Variants in HPD observed in about 807,000 individuals in gnomAD.
HPD encodes the protein 4-hydroxyphenylpyruvate dioxygenase, also known as 4-hydroxyphenylpyruvic acid oxidase.
HPD carries 35 observed loss-of-function variants against 56.9 expected under a neutral mutation model. The observed-to-expected ratio is 0.62, with a 90% CI of 0.47 to 0.82. The LOEUF is 0.82. HPD is among the 40% of genes least tolerant of loss of function. The pLI is 0.00. For synonymous variants in HPD, 186 were observed against 200.2 expected (o/e 0.93, Z 0.60); for missense variants, 442 against 506.8 (o/e 0.87, Z 1.23).
chr12:121,843,976 C>A, intron 11 of HPD, 144 bp from the exon 12 acceptor site: 1 of 884,960 alleles, frequency 1.1e-6, no homozygotes, highest in Non-Finnish European at 1.9e-6. Flanking sequence ...CTTCCCCTTT[C>A]TTCTCTGTCA....
At chr12:121,884,775 C>CAATTATTTACATTTTGTAAATGTA in the HPD span, among the ~76,000 whole-genome samples, 2 of 151,888 alleles carry the variant, frequency 1.3e-5, no homozygotes, top group Non-Finnish European at 2.9e-5. Flanking sequence ...TATGTTTCAC[C>CAATTATTTACATTTTGTAAATGTA]AATTATTTAC....
the HPD span, among the ~76,000 whole-genome samples, chr12:121,877,697 C>A: frequency 6.6e-6 from 1 of 151,788 alleles, no homozygotes; most frequent in Admixed American, 6.6e-5. Flanking sequence ...CGTGCCACTG[C>A]GCTCCAGCCT....
At chr12:121,867,333 C>CAG (rs1042305143), upstream of HPD, among the ~76,000 whole-genome samples, 1 of 137,936 alleles carries the variant, frequency 7.2e-6, no homozygotes, top group African/African-American at 2.8e-5. Flanking sequence ...GCCTGGGAGA[C>CAG]AGAGAGAGAC....
At chr12:121,887,524 C>G in the HPD span, among the ~76,000 whole-genome samples, 2 of 151,944 alleles carry the variant, frequency 1.3e-5, no homozygotes, top group African/African-American at 2.4e-5. Context: ...GTGTGTGCCA[C>G]CACACCCGGC....
chr12:121,851,378 G>A (rs61954282), intron 7 of HPD, among the ~76,000 whole-genome samples: 39 of 146,952 alleles, frequency 2.7e-4, no homozygotes, highest in South Asian at 1.5e-3. Flanking sequence ...ATGGAGTCTC[G>A]CTCTGTCGCC....
At chr12:121,887,506 G>T in the HPD span, among the ~76,000 whole-genome samples, 1 of 151,982 alleles carries the variant, frequency 6.6e-6, no homozygotes, top group Non-Finnish European at 1.5e-5. Context: ...GAGTACCTGG[G>T]ATTACAGGTG....
chr12:121,856,727 C>G lies in HPD; in HGVS notation c.199-102G>C, dbSNP rs1042814692. The G allele has an allele frequency of 9.5e-6, 10 of 1,051,324 alleles. No homozygotes were observed. The African/African-American group carries it at 1.6e-4, about 16-fold the overall frequency. 65.1% of individuals were successfully genotyped at this position (1,051,324 alleles called of 1,614,324 possible). A position where few individuals can be genotyped will look rare whatever the true frequency, so the allele number is the denominator to read the frequency against. ...CCGACCCGAAACACCCCTGATGGAG[C>G]ACAAGAACTCCTGGACCTGGGTTCT... On this transcript the variant is annotated intron_variant, in intron 4 of 13. Transcript: ENST00000289004.
the HPD span, among the ~76,000 whole-genome samples, chr12:121,872,682 C>G: frequency 2.0e-5 from 3 of 151,900 alleles, no homozygotes; most frequent in Non-Finnish European, 2.9e-5. Context: ...GGGCTGGGCA[C>G]CTGGCCAGAA....
At chr12:121,886,614 C>A in the HPD span, among the ~76,000 whole-genome samples, 3 of 152,144 alleles carry the variant, frequency 2.0e-5, no homozygotes, top group East Asian at 5.8e-4. Context: ...TTCTTCGGAC[C>A]ACTTGCAAGT....
At chr12:121,854,614 TG>T (rs1877926014) in intron 7 of HPD, 88 bp downstream of exon 7, 45 of 892,586 alleles carry the variant, frequency 5.0e-5, no homozygotes, top group South Asian at 4.8e-4. Context: ...GGCCCATGGG[TG>T]GGATGGTTTG....
At chr12:121,862,873 G>A (rs61093646), upstream of HPD, among the ~76,000 whole-genome samples, 18,801 of 150,394 alleles carry the variant, frequency 0.13, 1,695 homozygotes, top group African/African-American at 0.25. Flanking sequence ...GTAGAGATGA[G>A]GTTTCACCGT....
the HPD span, among the ~76,000 whole-genome samples, chr12:121,869,989 G>T: frequency 6.6e-6 from 1 of 151,770 alleles, no homozygotes; most frequent in African/African-American, 2.4e-5. Flanking sequence ...TGTTGCCTAG[G>T]CTAACCTTGA....
chr12:121,864,953 C>G (rs1434180609), upstream of HPD, among the ~76,000 whole-genome samples: 1 of 152,014 alleles, frequency 6.6e-6, no homozygotes, highest in Non-Finnish European at 1.5e-5. Flanking sequence ...ATCACTTCCA[C>G]TGGTTCATCT....
chr12:121,878,671 T>A, the HPD span, among the ~76,000 whole-genome samples: 1 of 148,386 alleles, frequency 6.7e-6, no homozygotes, highest in Non-Finnish European at 1.5e-5. Context: ...TTTTGGTTTT[T>A]CGTTCTTTTT....
At chr12:121,857,543 G>A (rs944218371) in intron 3 of HPD, 111 bp from the exon 4 acceptor site, 1 of 914,304 alleles carries the variant, frequency 1.1e-6, no homozygotes, top group Non-Finnish European at 1.8e-6. Context: ...TGCCTCAGGG[G>A]CAGAGACCCT....
At chr12:121,887,297 C>T in the HPD span, among the ~76,000 whole-genome samples, 1 of 151,502 alleles carries the variant, frequency 6.6e-6, no homozygotes, top group Non-Finnish European at 1.5e-5. Context: ...AGGGATCCTC[C>T]TGCCTTGATC....
At chr12:121,855,112 T>A (rs1274697103) in intron 6 of HPD, among the ~76,000 whole-genome samples, 1 of 152,176 alleles carries the variant, frequency 6.6e-6, no homozygotes, top group Non-Finnish European at 1.5e-5. Context: ...GTAAAAAGAA[T>A]GGTTGGATGA....
At chr12:121,863,276 G>A (rs1878232765), upstream of HPD, among the ~76,000 whole-genome samples, 1 of 152,248 alleles carries the variant, frequency 6.6e-6, no homozygotes, top group South Asian at 2.1e-4. Context: ...GAGCCACTGC[G>A]CCCAGCCAGC....
At chr12:121,884,837 A>T in the HPD span, among the ~76,000 whole-genome samples, 1 of 152,102 alleles carries the variant, frequency 6.6e-6, no homozygotes, top group African/African-American at 2.4e-5. Flanking sequence ...AGAGTCACCA[A>T]TTATTAACAT....
Sources: allele counts gnomAD v4.1 joint callset (sites outside exome capture counted in the v4.1 genomes callset), GRCh38; gene constraint gnomAD v4.1.1; transcripts MANE v1.5; gene names NCBI Gene and HGNC (gene_info 2026-07-23, HGNC 2026-07-21).